The following LARGE1 variants were observed in gnomAD, a reference collection of about 807,000 sequenced individuals.
LARGE1 encodes the protein xylosyl- and glucuronyltransferase LARGE1.
LARGE1 carries 43 observed loss-of-function variants against 87.6 expected under a neutral mutation model. The ratio of observed to expected loss-of-function variants is 0.49; its 90% CI spans 0.38 to 0.63. The LOEUF (loss-of-function observed/expected upper bound fraction) is 0.63, where lower values mean the gene tolerates loss of function less well. LARGE1 is among the 30% of genes least tolerant of loss of function. The pLI is 0.00. For synonymous variants in LARGE1, 434 were observed against 394.6 expected (o/e 1.10, Z -1.18); for missense variants, 802 against 1,000.2 (o/e 0.80, Z 2.67).
At chr22:33,676,004 C>CTTTT (rs67419753) in intron 2 of LARGE1, among the ~76,000 whole-genome samples, 184 of 148,746 alleles carry the variant, frequency 1.2e-3, no homozygotes, top group African/African-American at 4.3e-3. Context: ...TGGAGGTTTT[C>CTTTT]TTTTTTTTTT....
downstream of LARGE1, among the ~76,000 whole-genome samples, chr22:33,160,283 G>A (rs1280583891): frequency 6.6e-6 from 1 of 152,202 alleles, no homozygotes; most frequent in African/African-American, 2.4e-5. Flanking sequence ...TGTGTATGTT[G>A]AGGACAGTTG....
intron 1 of LARGE1, among the ~76,000 whole-genome samples, chr22:33,881,446 G>T (rs7287612): frequency 0.23 from 34,260 of 152,122 alleles, 4,422 homozygotes; most frequent in Admixed American, 0.33. Context: ...TTTGAGAAAT[G>T]AAAGGTAAAG....
intron 11 of LARGE1, among the ~76,000 whole-genome samples, chr22:33,210,428 T>G (rs1299020079): frequency 6.6e-6 from 1 of 152,244 alleles, no homozygotes. Context: ...CGCCTGGGAT[T>G]GGCTCAGCCA....
At chr22:33,752,530 G>C (rs1383403603) in intron 2 of LARGE1, among the ~76,000 whole-genome samples, 1 of 152,144 alleles carries the variant, frequency 6.6e-6, no homozygotes, top group African/African-American at 2.4e-5. Context: ...AAGTATTATG[G>C]TCTTAAATCA....
intron 1 of LARGE1, among the ~76,000 whole-genome samples, chr22:33,825,800 C>A (rs1200932576): frequency 1.3e-5 from 2 of 152,142 alleles, no homozygotes; most frequent in Admixed American, 6.5e-5. Flanking sequence ...TTCCCACTAC[C>A]CATCAATCCT....
At chr22:33,169,128 T>C (rs2146131727) in intron 11 of LARGE1, among the ~76,000 whole-genome samples, 1 of 152,208 alleles carries the variant, frequency 6.6e-6, no homozygotes, top group East Asian at 1.9e-4. Context: ...AAAGCAGGAG[T>C]GTCAAACAGT....
intron 11 of LARGE1, among the ~76,000 whole-genome samples, chr22:33,200,264 T>C (rs1183512202): frequency 6.6e-6 from 1 of 152,182 alleles, no homozygotes; most frequent in Non-Finnish European, 1.5e-5. Context: ...GTAAATTATA[T>C]AGAACATAAA....
At chr22:33,506,925 A>G (rs1472250535) in intron 6 of LARGE1, among the ~76,000 whole-genome samples, 1 of 152,170 alleles carries the variant, frequency 6.6e-6, no homozygotes, top group Non-Finnish European at 1.5e-5. Flanking sequence ...ACTCAGGAGA[A>G]GTATTAGAGA....
chr22:33,803,951 C>A (rs1023693486), intron 1 of LARGE1, among the ~76,000 whole-genome samples: 1 of 152,214 alleles, frequency 6.6e-6, no homozygotes, highest in Non-Finnish European at 1.5e-5. Context: ...AAATCCAAGT[C>A]CCCAGATGCC....
intron 1 of LARGE1, among the ~76,000 whole-genome samples, chr22:33,811,907 G>GA (rs1420009417): frequency 5.3e-5 from 8 of 152,254 alleles, no homozygotes; most frequent in African/African-American, 1.9e-4. Context: ...GTGACAAATG[G>GA]AAAGAAAAAG....
chr22:33,266,145 A>G (rs1232033334), intron 11 of LARGE1, among the ~76,000 whole-genome samples: 1 of 148,386 alleles, frequency 6.7e-6, no homozygotes, highest in Non-Finnish European at 1.5e-5. Context: ...CAAGAACTCA[A>G]TAGGGAAAAA....
At chr22:33,768,787 A>G (rs1601571928) in intron 1 of LARGE1, among the ~76,000 whole-genome samples, 1 of 151,956 alleles carries the variant, frequency 6.6e-6, no homozygotes, top group Admixed American at 6.6e-5. Flanking sequence ...ACACCAACCC[A>G]CCTCTACTCA....
intron 1 of LARGE1, among the ~76,000 whole-genome samples, chr22:33,806,629 C>T (rs1005941564): frequency 6.6e-5 from 10 of 152,114 alleles, no homozygotes; most frequent in African/African-American, 2.2e-4. Context: ...TACCCAGAGC[C>T]GTGTCCAGGG....
chr22:33,408,340 A>G (rs2066178013), intron 7 of LARGE1, among the ~76,000 whole-genome samples: 1 of 152,194 alleles, frequency 6.6e-6, no homozygotes, highest in South Asian at 2.1e-4. Context: ...GTTTTGAGTA[A>G]TTATCTTTGG....
At chr22:33,120,404 TTCTTTCCTTCTTTCTTTCTTTCTC>T in the LARGE1 span, among the ~76,000 whole-genome samples, 1 of 98,426 alleles carries the variant, frequency 1.0e-5, no homozygotes, top group East Asian at 2.4e-4. Flanking sequence ...CTTTCTTTCT[TTCTTTCCTTCTTTCTTTCTTTCTC>T]TCTCTCTCCT....
At chr22:33,866,813 CT>C (rs898210280) in intron 1 of LARGE1, among the ~76,000 whole-genome samples, 1 of 151,288 alleles carries the variant, frequency 6.6e-6, no homozygotes, top group South Asian at 2.1e-4. Context: ...AGTCCATTCA[CT>C]TTTTTTTTCA....
intron 5 of LARGE1, among the ~76,000 whole-genome samples, chr22:33,567,428 C>T (rs1028192477): frequency 6.6e-6 from 1 of 152,102 alleles, no homozygotes; most frequent in Non-Finnish European, 1.5e-5. Flanking sequence ...TCTTTTGGTG[C>T]TTCCAGATGA....
intron 11 of LARGE1, among the ~76,000 whole-genome samples, chr22:33,170,717 C>A (rs1396005118): frequency 6.6e-6 from 1 of 152,184 alleles, no homozygotes; most frequent in African/African-American, 2.4e-5. Flanking sequence ...TCAATTAAAT[C>A]TCTTTCCTTT....
At chr22:33,085,439 C>G in the LARGE1 span, among the ~76,000 whole-genome samples, 1 of 152,172 alleles carries the variant, frequency 6.6e-6, no homozygotes, top group Non-Finnish European at 1.5e-5. Context: ...ATCAATTTGA[C>G]TTTGAATATG....
Sources: allele counts gnomAD v4.1 joint callset (sites outside exome capture counted in the v4.1 genomes callset), GRCh38; gene constraint gnomAD v4.1.1; transcripts MANE v1.5; gene names NCBI Gene and HGNC (gene_info 2026-07-23, HGNC 2026-07-21).